The following PRR16 variants were observed in gnomAD, a reference collection of about 807,000 sequenced individuals.
The protein encoded by PRR16 is proline rich 16, also known as protein Largen.
Under a neutral mutation model 18.2 loss-of-function variants are expected in PRR16, and 6 were observed. The observed-to-expected ratio is 0.33, with a 90% CI of 0.18 to 0.65. PRR16 has a LOEUF of 0.65. PRR16 is among the 30% of genes least tolerant of loss of function. The pLI, the probability that PRR16 is intolerant of heterozygous loss-of-function variation, is 0.74. For missense variants in PRR16, 412 were observed against 376.6 expected (o/e 1.09, Z -0.78); for synonymous variants, 151 against 147.8 (o/e 1.02, Z -0.16).
the PRR16 span, among the ~76,000 whole-genome samples, chr5:120,706,345 CT>C: frequency 0.027 from 748 of 27,694 alleles, 7 homozygotes; most frequent in South Asian, 0.11. Context: ...CATATTTTCA[CT>C]CCGTACTTGA....
intron 1 of PRR16, among the ~76,000 whole-genome samples, chr5:120,521,856 G>A (rs546612142): frequency 6.6e-6 from 1 of 152,090 alleles, no homozygotes; most frequent in African/African-American, 2.4e-5. Context: ...TGTGTGTGGT[G>A]TTCCCCACCC....
At chr5:120,727,512 C>T in the PRR16 span, among the ~76,000 whole-genome samples, 3 of 152,030 alleles carry the variant, frequency 2.0e-5, no homozygotes, top group South Asian at 4.1e-4. Flanking sequence ...AACCTTTCAC[C>T]GACATCACCC....
chr5:120,708,020 C>T, the PRR16 span, among the ~76,000 whole-genome samples: 1 of 152,194 alleles, frequency 6.6e-6, no homozygotes, highest in Admixed American at 6.5e-5. Flanking sequence ...GTATAATTTT[C>T]TCTGTACAGG....
intron 1 of PRR16, among the ~76,000 whole-genome samples, chr5:120,582,871 C>T (rs1205957939): frequency 1.3e-5 from 2 of 152,168 alleles, no homozygotes; most frequent in East Asian, 3.9e-4. Context: ...TTTATTGGTG[C>T]ATAATAAATC....
intron 1 of PRR16, among the ~76,000 whole-genome samples, chr5:120,473,565 C>A (rs1749342019): frequency 6.6e-6 from 1 of 152,054 alleles, no homozygotes; most frequent in Admixed American, 6.6e-5. Flanking sequence ...TAGAATGGTT[C>A]CTATGCATAA....
chr5:120,684,033 G>A (rs1459390712), intron 1 of PRR16, among the ~76,000 whole-genome samples: 1 of 152,124 alleles, frequency 6.6e-6, no homozygotes, highest in Non-Finnish European at 1.5e-5. Context: ...GATGACAGAA[G>A]TGAAAATGGA....
chr5:120,773,446 T>C, the PRR16 span, among the ~76,000 whole-genome samples: 2 of 152,210 alleles, frequency 1.3e-5, no homozygotes, highest in East Asian at 1.9e-4. Context: ...TAGTCAGTAG[T>C]AGGAGGAATG....
chr5:120,729,059 A>G, the PRR16 span, among the ~76,000 whole-genome samples: 3 of 152,096 alleles, frequency 2.0e-5, no homozygotes, highest in Non-Finnish European at 4.4e-5. Context: ...CTGATAGCAT[A>G]TTTTTGCTGA....
intron 1 of PRR16, chr5:120,617,308 A>G (rs1419520818): frequency 5.5e-6 from 2 of 361,070 alleles, no homozygotes; most frequent in Non-Finnish European, 7.7e-6. Flanking sequence ...AAGAGTTGCA[A>G]TTAACAATCA....
At chr5:120,493,873 T>A (rs974497240) in intron 1 of PRR16, among the ~76,000 whole-genome samples, 3 of 152,038 alleles carry the variant, frequency 2.0e-5, no homozygotes, top group Non-Finnish European at 2.9e-5. Context: ...TGGTTTATTC[T>A]TTTTTTTGCT....
chr5:120,714,431 A>G, the PRR16 span, among the ~76,000 whole-genome samples: 1 of 152,204 alleles, frequency 6.6e-6, no homozygotes, highest in African/African-American at 2.4e-5. Flanking sequence ...AATCAAAACC[A>G]CAATGAGATA....
At chr5:120,494,928 T>G (rs1400735562) in intron 1 of PRR16, among the ~76,000 whole-genome samples, 1 of 152,114 alleles carries the variant, frequency 6.6e-6, no homozygotes, top group Non-Finnish European at 1.5e-5. Flanking sequence ...TGGATCTGTA[T>G]TCTGTTCCAT....
chr5:120,501,098 G>C (rs1750437561), intron 1 of PRR16, among the ~76,000 whole-genome samples: 2 of 152,020 alleles, frequency 1.3e-5, no homozygotes, highest in Admixed American at 6.5e-5. Context: ...GAAGCATAAA[G>C]TTTTTTAATT....
chr5:120,635,042 T>G (rs1351407228), intron 1 of PRR16, among the ~76,000 whole-genome samples: 1 of 152,118 alleles, frequency 6.6e-6, no homozygotes, highest in Non-Finnish European at 1.5e-5. Flanking sequence ...CCTGAAAATA[T>G]ACAACCCTCC....
chr5:120,589,806 A>G (rs1432457947), intron 1 of PRR16, among the ~76,000 whole-genome samples: 2 of 152,132 alleles, frequency 1.3e-5, no homozygotes, highest in African/African-American at 4.8e-5. Context: ...AATTATGGGA[A>G]TACAATTCAA....
At chr5:120,677,901 C>G (rs367937836) in intron 1 of PRR16, among the ~76,000 whole-genome samples, 26 of 75,924 alleles carry the variant, frequency 3.4e-4, no homozygotes, top group Admixed American at 2.9e-3. Context: ...TTTTCTTTTT[C>G]TTTCTTTTTT....
chr5:120,761,842 A>T, the PRR16 span, among the ~76,000 whole-genome samples: 11 of 152,008 alleles, frequency 7.2e-5, no homozygotes, highest in African/African-American at 2.7e-4. Context: ...GTTTGTACCC[A>T]TTTACCAACC....
chr5:120,664,370 C>T (rs1317301328), intron 1 of PRR16, among the ~76,000 whole-genome samples: 7 of 151,784 alleles, frequency 4.6e-5, no homozygotes, highest in East Asian at 1.9e-4. Flanking sequence ...GGAAGGTACT[C>T]GTGCTGCAAC....
the PRR16 span, among the ~76,000 whole-genome samples, chr5:120,716,498 C>G: frequency 6.6e-6 from 1 of 152,290 alleles, no homozygotes; most frequent in East Asian, 1.9e-4. Flanking sequence ...CCAGCCCTAG[C>G]CCTTTAAAGA....
Sources: gnomAD v4.1 joint callset for allele counts (sites outside exome capture counted in the v4.1 genomes callset) on GRCh38, gnomAD v4.1.1 for gene constraint, MANE v1.5 for transcripts, NCBI Gene and HGNC (gene_info 2026-07-23, HGNC 2026-07-21) for gene names.